Variants in TMEM18 observed in about 807,000 individuals in gnomAD.
TMEM18 encodes transmembrane protein 18.
In TMEM18, 14 loss-of-function variants were observed where a neutral mutation model predicts 17.4. That is an observed-to-expected ratio of 0.80 (90% CI 0.53 to 1.25). The LOEUF (loss-of-function observed/expected upper bound fraction) is 1.25. Among genes scored for constraint, TMEM18 ranks in the 50% most tolerant of loss-of-function variants. TMEM18 has a pLI of 0.00. For missense variants in TMEM18, 187 were observed against 172.1 expected, an observed-to-expected ratio of 1.09 and a Z score of -0.48; for synonymous variants, 86 against 66.1, an observed-to-expected ratio of 1.30 and a Z score of -1.46.
intron 3 of TMEM18, 64 bp downstream of exon 3, chr2:672,744 C>T: frequency 1.5e-6 from 2 of 1,368,426 alleles, no homozygotes; most frequent in Non-Finnish European, 1.9e-6. Context: ...GTCCCACCGG[C>T]TGTGGGGCCA....
chr2:672,730 G>A (rs906177117), intron 3 of TMEM18, 78 bp downstream of exon 3: 73 of 1,306,246 alleles, frequency 5.6e-5, no homozygotes, highest in Non-Finnish European at 7.0e-5. Context: ...TGTCTCCTCC[G>A]CGAGTCCCAC....
chr2:673,661 TCCTC>T (rs1678917169), intron 2 of TMEM18, among the ~76,000 whole-genome samples: 2 of 150,576 alleles, frequency 1.3e-5, no homozygotes. Flanking sequence ...TCCCTCCACT[TCCTC>T]CCTTCAGGAA....
chr2:666,669 C>G lies in TMEM18; in HGVS notation c.*2911G>C, dbSNP rs1018394978. Among the ~76,000 whole-genome samples, 1 of 152,180 alleles carries G rather than the reference C, an allele frequency of 6.6e-6. No individual in the cohort carries two copies. Among genetic ancestry groups the G allele is most frequent in the South Asian group, 2.1e-4 (1 of 4,826 alleles). Reference sequence around the variant, plus strand: ...ATCCTGGGACTGGGCAGCGCCACCCCCTGGGTGCTCTTCTCTGCCCTGGCT... The same window carrying G: ...ATCCTGGGACTGGGCAGCGCCACCCGCTGGGTGCTCTTCTCTGCCCTGGCT... On this transcript the variant is annotated 3_prime_UTR_variant, in exon 5 of 5. Coordinates refer to ENST00000281017, the MANE Select transcript of TMEM18 (RefSeq NM_152834.4).
Position 668,964 on chromosome 2 carries a change from T to C in TMEM18, c.*616A>G, listed in dbSNP as rs1417766578. 6.6e-6 allele frequency: 1 copy of C among 152,256 alleles called. No individual in the cohort carries two copies. Among genetic ancestry groups the C allele is most frequent in the Non-Finnish European group, 1.5e-5 (1 of 68,102 alleles). 9.4% of individuals were successfully genotyped at this position (152,256 alleles called of 1,614,324 possible). On this transcript the variant is annotated 3_prime_UTR_variant, in exon 5 of 5. Coordinates refer to ENST00000281017, the MANE Select transcript of TMEM18 (RefSeq NM_152834.4). ...ATTTTCCAAGAGCTTCCTTCCAAGG[T>C]CTCTCTGCCCCAGCACAGCTGACAT... is the stretch of plus-strand genomic sequence containing the variant.
At position 669,496 on chromosome 2, in the gene TMEM18, G is replaced by T; in HGVS notation, c.*84C>A. ...TTTTCAAACCATGAGTCAGCTGGAA[G>T]GATGCCCACGCCACGCACACTGCAG... On this transcript the variant is annotated 3_prime_UTR_variant, in exon 5 of 5. Transcript: ENST00000281017. The T allele has an allele frequency of 7.5e-7, 1 of 1,334,996 alleles. No individual in the cohort carries two copies. The highest frequency in any genetic ancestry group is 1.1e-6 in the Non-Finnish European group (1 of 945,536). 82.7% of individuals were successfully genotyped at this position (1,334,996 alleles called of 1,614,324 possible).
chr2:677,037 G>C, intron 1 of TMEM18: 1 of 231,684 alleles, frequency 4.3e-6, no homozygotes, highest in East Asian at 9.8e-5. Context: ...ACCCCGCCTA[G>C]CGCTCGCGCC....
At chr2:676,540 A>T (rs1659224945) in intron 1 of TMEM18, 1 of 1,548,822 alleles carries the variant, frequency 6.5e-7, no homozygotes, top group Non-Finnish European at 8.7e-7. Flanking sequence ...TGACATAAGG[A>T]CACAAGCGCA....
intron 2 of TMEM18, among the ~76,000 whole-genome samples, chr2:673,892 G>A (rs1298552391): frequency 6.6e-6 from 1 of 150,792 alleles, no homozygotes. Flanking sequence ...GAGGGCTGAC[G>A]TTACAGGGGG....
At chr2:674,148 G>A (rs1236790309) in intron 2 of TMEM18, among the ~76,000 whole-genome samples, 5 of 152,314 alleles carry the variant, frequency 3.3e-5, no homozygotes, top group African/African-American at 9.6e-5. Context: ...TGTAATGGCA[G>A]GCAGCACAGT....
At chr2:676,214 T>C (rs1159861749) in intron 1 of TMEM18, 1 of 1,384,786 alleles carries the variant, frequency 7.2e-7, no homozygotes, top group Non-Finnish European at 9.6e-7. Context: ...CGCCGCCTCC[T>C]GGACTCCCCG....
chr2:674,769 C>G (rs1678951172), intron 2 of TMEM18, among the ~76,000 whole-genome samples: 1 of 152,252 alleles, frequency 6.6e-6, no homozygotes, highest in Non-Finnish European at 1.5e-5. Flanking sequence ...TCTTCAGTGT[C>G]TCCCCAATGT....
intron 2 of TMEM18, among the ~76,000 whole-genome samples, chr2:673,141 C>T (rs2103092682): frequency 6.6e-6 from 1 of 152,278 alleles, no homozygotes; most frequent in South Asian, 2.1e-4. Flanking sequence ...CCGCCCGAGG[C>T]CCCAGGCTTC....
rs534293112 is a variant in TMEM18 at position 668,128 on chromosome 2, C to T, written c.*1452G>A. 5 of 152,246 alleles carry T rather than the reference C, an allele frequency of 3.3e-5. No homozygotes were observed. The highest frequency in any genetic ancestry group is 1.2e-4 in the African/African-American group (5 of 41,536). The allele number at this position is 152,246 out of a possible 1,614,324, so 9.4% of individuals were successfully genotyped here. A position where few individuals can be genotyped will look rare whatever the true frequency, so the allele number is the denominator to read the frequency against. ...CAGGGGAAACTGCTGTCTTTAAAAC[C>T]AGCAGATCTTGTGAGAACTCCCTCT... On this transcript the variant is annotated 3_prime_UTR_variant, in exon 5 of 5. Transcript: ENST00000281017.
chr2:665,290 TAGAG>T lies in TMEM18; in HGVS notation c.*4286_*4289del, dbSNP rs1354096657. Among the ~76,000 whole-genome samples the T allele has an allele frequency of 9.5e-5, 14 of 147,398 alleles. No individual in the cohort carries two copies. Among genetic ancestry groups the T allele is most frequent in the African/African-American group, 2.3e-4 (9 of 39,660 alleles). On this transcript the variant is annotated 3_prime_UTR_variant, in exon 5 of 5. Transcript: ENST00000281017. Reference sequence around the variant, plus strand: ...GATGCAGACACCCCACTCACTCAGATAGAGAATCAACCCCACATAAAATAGAACC... The same window carrying T: ...GATGCAGACACCCCACTCACTCAGATAATCAACCCCACATAAAATAGAACC...
intron 1 of TMEM18, chr2:676,863 A>C: frequency 1.7e-6 from 1 of 589,120 alleles, no homozygotes; most frequent in Non-Finnish European, 3.0e-6. Context: ...ACACGAACAA[A>C]GCCCTACCCC....
rs920955600 is a variant in TMEM18, at chr2:667,987, A to T, written c.*1593T>A. The T allele has an allele frequency of 7.2e-5, 11 of 152,246 alleles. No individual in the cohort carries two copies. The highest frequency in any genetic ancestry group is 2.7e-4 in the African/African-American group (11 of 41,462). The allele number at this position is 152,246 out of a possible 1,614,324, so 9.4% of individuals were successfully genotyped here. On this transcript the variant is annotated 3_prime_UTR_variant, in exon 5 of 5. Transcript: ENST00000281017. ...TGAGACCTGGATTACTTTATAAACA[A>T]GAAGTTTAATTGACTCAGTTCCACA...
rs3215297 is a variant in TMEM18 at position 676,478 on chromosome 2, T to TGTTAA, written c.57+810_57+811insTTAAC. 4.0e-6 allele frequency: 5 copies of TGTTAA among 1,248,914 alleles called. No individual in the cohort carries two copies. In the African/African-American group the frequency reaches 6.1e-5, roughly 15 times the overall value. 77.4% of individuals were successfully genotyped at this position (1,248,914 alleles called of 1,614,324 possible). On this transcript the variant is annotated intron_variant, in intron 1 of 4. Transcript: ENST00000281017. ...GCCCGGCACAGCCCTCCAGAACTCC[T>TGTTAA]GTGTCACTACTCTCTGCTGGGGACC...
In TMEM18 at chr2:669,821, G is replaced by A. The variant is rs749710449; in HGVS notation, c.263C>T (p.Ser88Phe). The part of the protein sequence containing the change: ...RLFSKYQYFD[S>F]RGMFISIVFS... ...TACTATAGAAATGAACATCCCCCTG[G>A]AGTCGAAATACTGGTATTTCGAAAA... The change falls in exon 4 of 5, where the codon TCC becomes TTC. Residue 88 changes from serine to phenylalanine, a missense_variant. By Grantham distance (155) the Ser-to-Phe change is radical. Transcript: ENST00000281017. 2.5e-6 allele frequency: 4 copies of A among 1,613,526 alleles called. No homozygotes were observed. The highest frequency in any genetic ancestry group is 3.4e-6 in the Non-Finnish European group (4 of 1,179,956).
intron 1 of TMEM18, chr2:676,323 A>C: frequency 6.7e-7 from 1 of 1,482,612 alleles, no homozygotes; most frequent in Non-Finnish European, 9.0e-7. Flanking sequence ...CTCAGATGCC[A>C]ATCCCAGCAG....
Sources: allele counts gnomAD v4.1 joint callset (sites outside exome capture counted in the v4.1 genomes callset), GRCh38; gene constraint gnomAD v4.1.1; transcripts MANE v1.5; gene names NCBI Gene and HGNC (gene_info 2026-07-23, HGNC 2026-07-21).